ZMAT4: variants seen among roughly 807,000 people sequenced by gnomAD.
ZMAT4 encodes the protein zinc finger matrin-type protein 4.
Under a neutral mutation model 28.7 loss-of-function variants are expected in ZMAT4, and 17 were observed. That is an observed-to-expected ratio of 0.59 (90% CI 0.41 to 0.89). The LOEUF is 0.89. ZMAT4 is among the 40% of genes least tolerant of loss of function. The probability of loss-of-function intolerance (pLI) is 0.00; values close to 1 mark genes in which losing one functional copy is unlikely to be tolerated. For missense variants in ZMAT4, 240 were observed against 283.8 expected, an observed-to-expected ratio of 0.85 and a Z score of 1.11; for synonymous variants, 117 against 109.2, an observed-to-expected ratio of 1.07 and a Z score of -0.44.
chr8:40,661,016 G>A (rs1432290697), intron 5 of ZMAT4, among the ~76,000 whole-genome samples: 1 of 152,182 alleles, frequency 6.6e-6, no homozygotes, highest in East Asian at 1.9e-4. Context: ...TCACATGCCT[G>A]TTAAACAGTA....
At chr8:40,622,678 C>T (rs1031362410) in intron 5 of ZMAT4, among the ~76,000 whole-genome samples, 2 of 152,172 alleles carry the variant, frequency 1.3e-5, no homozygotes, top group Non-Finnish European at 2.9e-5. Flanking sequence ...CCTGGTGAGG[C>T]CTCAGGAAGC....
At chr8:40,547,803 C>T (rs928025713) in intron 6 of ZMAT4, among the ~76,000 whole-genome samples, 2 of 152,032 alleles carry the variant, frequency 1.3e-5, no homozygotes, top group Non-Finnish European at 2.9e-5. Context: ...CAAAAACCCA[C>T]ACTTTATATT....
intron 3 of ZMAT4, among the ~76,000 whole-genome samples, chr8:40,738,983 T>C (rs1811888721): frequency 6.6e-6 from 1 of 152,236 alleles, no homozygotes; most frequent in Non-Finnish European, 1.5e-5. Context: ...GTATGTTAGA[T>C]TTTCCCTCTT....
Position 40,567,731 on chromosome 8 carries a change from A to G in ZMAT4, c.674+13434T>C, listed in dbSNP as rs372955661. Among the ~76,000 whole-genome samples the G allele has an allele frequency of 7.2e-4, 109 of 151,818 alleles. 1 individual carries two copies. Among genetic ancestry groups the G allele is most frequent in the Admixed American group, 7.0e-3 (106 of 15,222 alleles). ...AAAAAAAAAGAAAGAACAAAAAAAA[A>G]CCCCAAAACTCTTTAAAATGTTTAT... On this transcript the variant is annotated intron_variant, in intron 6 of 6. Transcript: ENST00000297737.
chr8:40,837,695 C>T (rs1413819250), intron 1 of ZMAT4, among the ~76,000 whole-genome samples: 1 of 152,186 alleles, frequency 6.6e-6, no homozygotes, highest in Non-Finnish European at 1.5e-5. Flanking sequence ...TGAGAATGCT[C>T]ATTCAGGTCA....
chr8:40,613,548 C>T (rs1200437939), intron 5 of ZMAT4, among the ~76,000 whole-genome samples: 2 of 152,230 alleles, frequency 1.3e-5, no homozygotes, highest in Admixed American at 1.3e-4. Flanking sequence ...ATATTTACTA[C>T]TTTATTCAGG....
At chr8:40,592,394 A>G (rs1176290049) in intron 5 of ZMAT4, among the ~76,000 whole-genome samples, 3 of 152,206 alleles carry the variant, frequency 2.0e-5, no homozygotes, top group Non-Finnish European at 4.4e-5. Flanking sequence ...CCGTCATTCC[A>G]AAGTACAGGA....
chr8:40,761,610 C>T (rs1812941317), intron 3 of ZMAT4, among the ~76,000 whole-genome samples: 1 of 152,224 alleles, frequency 6.6e-6, no homozygotes, highest in Non-Finnish European at 1.5e-5. Context: ...TTCTGTATGA[C>T]TTTTCTCTCC....
intron 3 of ZMAT4, among the ~76,000 whole-genome samples, chr8:40,732,749 C>A (rs957288943): frequency 6.6e-6 from 1 of 152,030 alleles, no homozygotes; most frequent in African/African-American, 2.4e-5. Context: ...GCCTGGATGC[C>A]CCAGTGGCCT....
chr8:40,699,835 T>C (rs1810057566), intron 3 of ZMAT4, among the ~76,000 whole-genome samples: 1 of 152,270 alleles, frequency 6.6e-6, no homozygotes, highest in Non-Finnish European at 1.5e-5. Flanking sequence ...TATCTGTTCA[T>C]CTGTGCATTC....
At chr8:40,550,564 A>G (rs1301694203) in intron 6 of ZMAT4, among the ~76,000 whole-genome samples, 1 of 152,090 alleles carries the variant, frequency 6.6e-6, no homozygotes, top group Non-Finnish European at 1.5e-5. Flanking sequence ...CAAGGGTGGG[A>G]CCAGCTGAAG....
At chr8:40,764,414 T>C (rs1165701455) in intron 3 of ZMAT4, among the ~76,000 whole-genome samples, 3 of 152,188 alleles carry the variant, frequency 2.0e-5, no homozygotes, top group Non-Finnish European at 4.4e-5. Context: ...GAAGTAGAAA[T>C]GGCAACAATA....
chr8:40,744,624 C>T (rs1812143465), intron 3 of ZMAT4, among the ~76,000 whole-genome samples: 1 of 152,158 alleles, frequency 6.6e-6, no homozygotes, highest in Admixed American at 6.5e-5. Flanking sequence ...CACAGAGTTC[C>T]TCCCCATTGA....
intron 1 of ZMAT4, among the ~76,000 whole-genome samples, chr8:40,891,978 G>C (rs527546152): frequency 8.5e-5 from 13 of 152,244 alleles, no homozygotes; most frequent in African/African-American, 3.1e-4. Flanking sequence ...AGCTGGTCAC[G>C]GCCTCATTCT....
At chr8:40,751,418 A>G (rs1315699715) in intron 3 of ZMAT4, among the ~76,000 whole-genome samples, 1 of 151,858 alleles carries the variant, frequency 6.6e-6, no homozygotes, top group Admixed American at 6.6e-5. Context: ...CACACTTAAC[A>G]ATCAGATATC....
chr8:40,701,026 A>G (rs552899839), intron 3 of ZMAT4, among the ~76,000 whole-genome samples: 1 of 152,266 alleles, frequency 6.6e-6, no homozygotes, highest in African/African-American at 2.4e-5. Flanking sequence ...AAAAGTCAAA[A>G]GAGGAGGCAG....
chr8:40,867,969 T>C (rs548969280), intron 1 of ZMAT4, among the ~76,000 whole-genome samples: 1 of 152,280 alleles, frequency 6.6e-6, no homozygotes, highest in East Asian at 1.9e-4. Context: ...TAATTATTTT[T>C]CTGGTTGTCT....
intron 1 of ZMAT4, among the ~76,000 whole-genome samples, chr8:40,880,851 A>C (rs1297239300): frequency 6.6e-6 from 1 of 151,666 alleles, no homozygotes; most frequent in African/African-American, 2.4e-5. Context: ...TGTGGAAAAC[A>C]CCCCCCAGAA....
At chr8:40,602,112 A>T (rs536271060) in intron 5 of ZMAT4, among the ~76,000 whole-genome samples, 2 of 152,228 alleles carry the variant, frequency 1.3e-5, no homozygotes, top group South Asian at 4.1e-4. Context: ...AGAACATATG[A>T]TGCTTGGTTT....
Sources: gnomAD v4.1 joint callset for allele counts (sites outside exome capture counted in the v4.1 genomes callset) on GRCh38, gnomAD v4.1.1 for gene constraint, MANE v1.5 for transcripts, NCBI Gene and HGNC (gene_info 2026-07-23, HGNC 2026-07-21) for gene names.